The following GALNT14 variants were observed in gnomAD, a reference collection of about 807,000 sequenced individuals.
GALNT14 encodes UDP-GalNAc:polypeptide N-acetylgalactosaminyltransferase 14.
GALNT14 carries 60 observed loss-of-function variants against 77.5 expected under a neutral mutation model. The ratio of observed to expected loss-of-function variants is 0.77; its 90% CI spans 0.63 to 0.96. The LOEUF (loss-of-function observed/expected upper bound fraction) is 0.96, where lower values mean the gene tolerates loss of function less well. Among genes scored for constraint, GALNT14 ranks in the 40% least tolerant of loss-of-function variants. GALNT14 has a pLI of 0.00. For missense variants in GALNT14, 710 were observed against 731.0 expected (o/e 0.97, Z 0.33); for synonymous variants, 280 against 281.7 (o/e 0.99, Z 0.06).
At chr2:30,955,787 G>A (rs1400276280) in intron 5 of GALNT14, 48 bp from the exon 6 acceptor site, 3 of 1,611,358 alleles carry the variant, frequency 1.9e-6, no homozygotes, top group African/African-American at 2.7e-5. Flanking sequence ...TCACTCCATT[G>A]TCCAGCGAGA....
intron 1 of GALNT14, among the ~76,000 whole-genome samples, chr2:31,103,920 C>T (rs1258054757): frequency 6.6e-6 from 1 of 152,184 alleles, no homozygotes; most frequent in Non-Finnish European, 1.5e-5. Flanking sequence ...TCAGGAAGGG[C>T]TCATGGGAAC....
chr2:30,953,366 T>C (rs1388562309), intron 6 of GALNT14, among the ~76,000 whole-genome samples: 1 of 148,754 alleles, frequency 6.7e-6, no homozygotes, highest in East Asian at 2.0e-4. Flanking sequence ...TGGAGTGCAG[T>C]GGCACAATCT....
At chr2:31,019,432 T>C (rs1428192333) in intron 1 of GALNT14, among the ~76,000 whole-genome samples, 2 of 152,120 alleles carry the variant, frequency 1.3e-5, no homozygotes, top group Admixed American at 1.3e-4. Flanking sequence ...ACACTGTCAT[T>C]TTGAGGGGAC....
In GALNT14 at chr2:31,112,620, T is replaced by C. The variant is rs571633309; in HGVS notation, c.129+25338A>G. ...TTCCAGTCCTTCTCATTGGAAAGGATATTTGATGATAACATCTTGGCCAAC... is the reference window on the plus strand; with the variant it reads ...TTCCAGTCCTTCTCATTGGAAAGGACATTTGATGATAACATCTTGGCCAAC... On this transcript the variant is annotated intron_variant, in intron 1 of 14. Transcript: ENST00000349752. Among the ~76,000 whole-genome samples the C allele has an allele frequency of 5.3e-5, 8 of 152,328 alleles. No individual in the cohort carries two copies. The South Asian group carries it at 1.7e-3, about 32-fold the overall frequency.
chr2:31,083,173 C>T (rs969235317), intron 1 of GALNT14, among the ~76,000 whole-genome samples: 8 of 152,174 alleles, frequency 5.3e-5, no homozygotes, highest in African/African-American at 1.9e-4. Flanking sequence ...GCCAGGCAAA[C>T]TGGAATGGTT....
chr2:30,993,578 C>A (rs1312565793), intron 1 of GALNT14, among the ~76,000 whole-genome samples: 1 of 152,318 alleles, frequency 6.6e-6, no homozygotes, highest in Middle Eastern at 3.4e-3. Flanking sequence ...CTCACCACCA[C>A]CCTATCTGTT....
intron 11 of GALNT14, among the ~76,000 whole-genome samples, chr2:30,927,780 G>A (rs987828007): frequency 4.6e-5 from 7 of 152,186 alleles, no homozygotes; most frequent in Admixed American, 2.6e-4. Context: ...GAGGGAGAAC[G>A]CTAGCTAGGA....
chr2:30,947,521 A>G (rs1666773393), intron 6 of GALNT14, among the ~76,000 whole-genome samples: 3 of 152,216 alleles, frequency 2.0e-5, no homozygotes, highest in Admixed American at 2.0e-4. Flanking sequence ...CCTGATGTGC[A>G]GTGAGGAAAA....
intron 11 of GALNT14, among the ~76,000 whole-genome samples, 163 bp from the exon 12 acceptor site, chr2:30,924,986 T>G (rs1418019643): frequency 6.6e-6 from 1 of 152,184 alleles, no homozygotes; most frequent in East Asian, 1.9e-4. Flanking sequence ...CAAGAACAGA[T>G]TTCTATAACT....
Position 30,992,909 on chromosome 2 carries a change from C to A in GALNT14, c.228G>T (p.Leu76=). 1 of 1,614,166 alleles carries A rather than the reference C, an allele frequency of 6.2e-7. No homozygotes were observed. Among genetic ancestry groups the A allele is most frequent in the Non-Finnish European group, 8.5e-7 (1 of 1,180,022 alleles). The change falls in exon 2 of 15, where the codon CTG becomes CTT. Residue 76 remains leucine (L), a synonymous_variant. Transcript: ENST00000349752. ...KWRVGDDPYK[L]YAFNQRESER... ...CACTCTCCCGCTGGTTGAAAGCATA[C>A]AGCTTATAGGGGTCGTCACCAACGC... is the stretch of plus-strand genomic sequence containing the variant.
chr2:31,118,486 T>C (rs867654243), intron 1 of GALNT14, among the ~76,000 whole-genome samples: 1 of 151,784 alleles, frequency 6.6e-6, no homozygotes, highest in Admixed American at 6.6e-5. Context: ...AATCACTGCA[T>C]CAATAAAAGA....
chr2:30,904,567 C>T, the GALNT14 span, among the ~76,000 whole-genome samples: 5 of 152,342 alleles, frequency 3.3e-5, 1 homozygote, highest in South Asian at 8.3e-4. Context: ...CCTATGCCCA[C>T]GGAGTCTCGC....
chr2:31,044,112 T>G (rs1210660411), intron 1 of GALNT14, among the ~76,000 whole-genome samples: 2 of 152,254 alleles, frequency 1.3e-5, no homozygotes, highest in Non-Finnish European at 2.9e-5. Flanking sequence ...AACTTTTTCA[T>G]GTAATTGTTT....
intron 9 of GALNT14, among the ~76,000 whole-genome samples, chr2:30,935,548 G>C (rs1328577847): frequency 1.3e-5 from 2 of 152,216 alleles, no homozygotes. Context: ...ATTATTGGAG[G>C]CACGTGTCTT....
chr2:31,030,558 C>A (rs1672341154), intron 1 of GALNT14, among the ~76,000 whole-genome samples: 1 of 152,166 alleles, frequency 6.6e-6, no homozygotes, highest in African/African-American at 2.4e-5. Context: ...GTGGGTGGCA[C>A]TTCTATCACC....
At chr2:30,970,598 A>G (rs1668288781) in intron 2 of GALNT14, among the ~76,000 whole-genome samples, 1 of 152,004 alleles carries the variant, frequency 6.6e-6, no homozygotes, top group South Asian at 2.1e-4. Flanking sequence ...GACGCAGTTA[A>G]ACCTCCTAAA....
chr2:31,018,384 C>A (rs1474503275), intron 1 of GALNT14, among the ~76,000 whole-genome samples: 1 of 152,162 alleles, frequency 6.6e-6, no homozygotes, highest in Admixed American at 6.6e-5. Flanking sequence ...CTAGGGAGGT[C>A]TCAAGAAACT....
chr2:31,029,490 T>C (rs975353709), intron 1 of GALNT14, among the ~76,000 whole-genome samples: 1 of 152,220 alleles, frequency 6.6e-6, no homozygotes, highest in Admixed American at 6.5e-5. Flanking sequence ...CAATACAACG[T>C]AGTTATATTT....
intron 1 of GALNT14, among the ~76,000 whole-genome samples, chr2:31,069,341 A>G (rs1675196181): frequency 6.6e-6 from 1 of 152,236 alleles, no homozygotes; most frequent in African/African-American, 2.4e-5. Flanking sequence ...TTGTGTACAC[A>G]CAGGTTAGAC....
Sources: allele counts gnomAD v4.1 joint callset (sites outside exome capture counted in the v4.1 genomes callset), GRCh38; gene constraint gnomAD v4.1.1; transcripts MANE v1.5; gene names NCBI Gene and HGNC (gene_info 2026-07-23, HGNC 2026-07-21).